Variants in LRRC49 observed in about 807,000 individuals in gnomAD.
LRRC49 encodes the protein leucine rich repeat containing 49.
In LRRC49, 50 loss-of-function variants were observed where a neutral mutation model predicts 83.3. The observed-to-expected ratio is 0.60, with a 90% CI of 0.48 to 0.76. The LOEUF (loss-of-function observed/expected upper bound fraction) is 0.76. Among genes scored for constraint, LRRC49 ranks in the 30% least tolerant of loss-of-function variants. The pLI is 0.00. For synonymous variants in LRRC49, 286 were observed against 283.3 expected, an observed-to-expected ratio of 1.01 and a Z score of -0.10; for missense variants, 704 against 809.1, an observed-to-expected ratio of 0.87 and a Z score of 1.58.
At chr15:70,983,309 T>C (rs2037471948) in intron 10 of LRRC49, among the ~76,000 whole-genome samples, 1 of 152,156 alleles carries the variant, frequency 6.6e-6, no homozygotes, top group South Asian at 2.1e-4. Context: ...AGTCAGTGGT[T>C]CTCAAAGTGA....
rs1422020536 is a variant in LRRC49 at position 71,053,327 on chromosome 15, C to G, written c.*3715C>G. ...ATGGCCACAAGGTTTTTGGCTTGAACTACCGAAAAGATTGAGTTGCCATCA... is the reference window on the plus strand; with the variant it reads ...ATGGCCACAAGGTTTTTGGCTTGAAGTACCGAAAAGATTGAGTTGCCATCA... On this transcript the variant is annotated 3_prime_UTR_variant, in exon 16 of 16. Coordinates refer to ENST00000260382, the MANE Select transcript of LRRC49 (RefSeq NM_017691.5). 1.3e-5 allele frequency: 2 copies of G among 152,176 alleles called. No individual in the cohort carries two copies. Among genetic ancestry groups the G allele is most frequent in the Non-Finnish European group, 2.9e-5 (2 of 68,034 alleles). 9.4% of individuals were successfully genotyped at this position (152,176 alleles called of 1,614,324 possible).
intron 1 of LRRC49, among the ~76,000 whole-genome samples, chr15:70,861,614 G>T (rs922967034): frequency 6.6e-6 from 1 of 151,946 alleles, no homozygotes; most frequent in Non-Finnish European, 1.5e-5. Flanking sequence ...TAAAGATAAC[G>T]TCTTGCTCTC....
At chr15:70,982,017 T>C (rs1368685544) in intron 10 of LRRC49, among the ~76,000 whole-genome samples, 2 of 151,766 alleles carry the variant, frequency 1.3e-5, no homozygotes, top group African/African-American at 4.8e-5. Flanking sequence ...TCTTCCCTTT[T>C]CCGGGCCCCA....
chr15:70,946,972 TAG>T (rs2036031404), intron 8 of LRRC49, among the ~76,000 whole-genome samples: 1 of 152,166 alleles, frequency 6.6e-6, no homozygotes, highest in Non-Finnish European at 1.5e-5. Flanking sequence ...ACCCCCAGGT[TAG>T]AGACCATAGT....
At chr15:71,003,640 G>T (rs1307348787) in intron 11 of LRRC49, among the ~76,000 whole-genome samples, 1 of 152,098 alleles carries the variant, frequency 6.6e-6, no homozygotes, top group Admixed American at 6.5e-5. Flanking sequence ...TCATGAAAAT[G>T]TACTGAGCTA....
intron 1 of LRRC49, chr15:70,859,283 A>G: frequency 1.2e-6 from 1 of 835,516 alleles, no homozygotes; most frequent in Non-Finnish European, 2.1e-6. Flanking sequence ...AGAGGTGGAG[A>G]ATGAATTTGT....
intron 11 of LRRC49, among the ~76,000 whole-genome samples, chr15:70,994,092 C>G (rs2037994763): frequency 6.6e-6 from 1 of 152,200 alleles, no homozygotes; most frequent in African/African-American, 2.4e-5. Flanking sequence ...AGTGATCCTC[C>G]TGCCTCGGCT....
At chr15:70,918,078 G>C (rs577633308) in intron 6 of LRRC49, 2 of 152,466 alleles carry the variant, frequency 1.3e-5, no homozygotes, top group South Asian at 4.1e-4. Context: ...GAAGCTGCTT[G>C]CAGTGTTCCT....
At chr15:71,021,173 G>C (rs769800570) in intron 14 of LRRC49, among the ~76,000 whole-genome samples, 12 of 152,206 alleles carry the variant, frequency 7.9e-5, no homozygotes, top group East Asian at 3.8e-4. Flanking sequence ...GTTTGATATA[G>C]ATCAACAGTA....
chr15:70,997,936 T>C (rs1232449517), intron 11 of LRRC49, among the ~76,000 whole-genome samples: 1 of 152,220 alleles, frequency 6.6e-6, no homozygotes, highest in South Asian at 2.1e-4. Context: ...ATTTTCTTAG[T>C]GTACCGTTTT....
chr15:70,859,946 C>A, intron 1 of LRRC49: 1 of 765,322 alleles, frequency 1.3e-6, no homozygotes, highest in Non-Finnish European at 2.4e-6. Flanking sequence ...CATGACAATC[C>A]ATACGAAGAC....
intron 15 of LRRC49, among the ~76,000 whole-genome samples, chr15:71,039,473 A>G (rs2039631995): frequency 6.6e-6 from 1 of 152,210 alleles, no homozygotes; most frequent in Non-Finnish European, 1.5e-5. Flanking sequence ...AGATACCAAA[A>G]TGCACAGATG....
At chr15:71,017,501 C>T (rs1364087167) in intron 14 of LRRC49, among the ~76,000 whole-genome samples, 1 of 151,066 alleles carries the variant, frequency 6.6e-6, no homozygotes, top group African/African-American at 2.4e-5. Context: ...TTAAGAAATC[C>T]TACAAATTTA....
At chr15:71,045,770 G>A (rs2039836536) in intron 15 of LRRC49, among the ~76,000 whole-genome samples, 1 of 151,996 alleles carries the variant, frequency 6.6e-6, no homozygotes, top group Non-Finnish European at 1.5e-5. Context: ...AGTATTATGT[G>A]ATGCTGGGGT....
At chr15:70,962,728 G>C (rs959034216) in intron 8 of LRRC49, among the ~76,000 whole-genome samples, 7 of 152,124 alleles carry the variant, frequency 4.6e-5, no homozygotes, top group Admixed American at 2.0e-4. Context: ...AAATTGTATT[G>C]GATAATAACC....
In LRRC49 at chr15:70,907,836, A is replaced by G. The variant is rs74021906; in HGVS notation, c.500+3081A>G. ...ATGGAAGAACTTCTTTTTTAAATAA[A>G]TCTTTCAGGTCACATTGGTGTTAAC... is the stretch of plus-strand genomic sequence containing the variant. On this transcript the variant is annotated intron_variant, in intron 5 of 15. Coordinates refer to ENST00000260382, the MANE Select transcript of LRRC49 (RefSeq NM_017691.5). 5.9e-3 allele frequency: 2,293 copies of G among 386,726 alleles called. 53 individuals carry two copies. The highest frequency in any genetic ancestry group is 0.046 in the African/African-American group (2,159 of 47,348). 24.0% of individuals were successfully genotyped at this position (386,726 alleles called of 1,614,324 possible).
At chr15:70,858,642 G>C in intron 1 of LRRC49, 1 of 528,854 alleles carries the variant, frequency 1.9e-6, no homozygotes, top group African/African-American at 1.9e-5. Flanking sequence ...AAAGGACCAA[G>C]AAGCAGCTTC....
chr15:70,966,452 T>C (rs2036797794), intron 9 of LRRC49, among the ~76,000 whole-genome samples: 2 of 152,114 alleles, frequency 1.3e-5, no homozygotes, highest in Admixed American at 6.6e-5. Flanking sequence ...GTAGTTGTTG[T>C]AATAAAAATA....
rs189550750 is a variant in LRRC49 at position 71,053,197 on chromosome 15, G to C, written c.*3585G>C. The C allele has an allele frequency of 6.6e-6, 1 of 152,118 alleles. No homozygotes were observed. The highest frequency in any genetic ancestry group is 1.5e-5 in the Non-Finnish European group (1 of 68,032). The allele number at this position is 152,118 out of a possible 1,614,324, so 9.4% of individuals were successfully genotyped here. ...TTGTGACTTGGATCAAGGTGATAGCGGCAGAGGCGTCAGAAAGTAGTTGGA... is the reference window on the plus strand; with the variant it reads ...TTGTGACTTGGATCAAGGTGATAGCCGCAGAGGCGTCAGAAAGTAGTTGGA... On this transcript the variant is annotated 3_prime_UTR_variant, in exon 16 of 16. Transcript: ENST00000260382.
Sources: gnomAD v4.1 joint callset for allele counts (sites outside exome capture counted in the v4.1 genomes callset) on GRCh38, gnomAD v4.1.1 for gene constraint, MANE v1.5 for transcripts, NCBI Gene and HGNC (gene_info 2026-07-23, HGNC 2026-07-21) for gene names.